Variants in TBC1D10C observed in about 807,000 individuals in gnomAD.
The protein encoded by TBC1D10C is TBC1 domain family member 10C.
Under a neutral mutation model 51.0 loss-of-function variants are expected in TBC1D10C, and 49 were observed. That is an observed-to-expected ratio of 0.96 (90% confidence interval 0.76 to 1.22). TBC1D10C has a LOEUF of 1.22. Ranked by LOEUF, TBC1D10C falls within the 50% of genes most tolerant of loss-of-function variation. The probability of loss-of-function intolerance (pLI) is 0.00; values close to 1 mark genes in which losing one functional copy is unlikely to be tolerated. For synonymous variants in TBC1D10C, 281 were observed against 266.7 expected, an observed-to-expected ratio of 1.05 and a Z score of -0.52; for missense variants, 541 against 617.5, an observed-to-expected ratio of 0.88 and a Z score of 1.31.
Position 67,409,410 on chromosome 11 carries a change from C to T in TBC1D10C, c.997C>T (p.His333Tyr), listed in dbSNP as rs1225955849. ...LQEEAFMSQV[H>Y]SVVLSERDLQ... ...CAGCACCAACTGCTCCCCACAGGTG[C>T]ACAGCGTGGTGCTGTCAGAGCGGGA... The change falls in exon 9 of 9, where the codon CAC becomes TAC. Residue 333 changes from histidine (H) to tyrosine (Y), a missense_variant. Transcript: ENST00000542590. The T allele has an allele frequency of 6.5e-7, 1 of 1,548,308 alleles. No individual in the cohort carries two copies. Among genetic ancestry groups the T allele is most frequent in the Non-Finnish European group, 8.7e-7 (1 of 1,146,242 alleles).
Position 67,409,397 on chromosome 11 carries a change from C to T in TBC1D10C, c.994-10C>T, listed in dbSNP as rs1863346092. The T allele has an allele frequency of 6.5e-7, 1 of 1,545,830 alleles. No individual in the cohort carries two copies. Among genetic ancestry groups the T allele is most frequent in the African/African-American group, 1.4e-5 (1 of 73,026 alleles). ...GGCCGGGCAAACGCAGCACCAACTG[C>T]TCCCCACAGGTGCACAGCGTGGTGC... On this transcript the variant is annotated splice_polypyrimidine_tract_variant and intron_variant, in intron 8 of 8. Transcript: ENST00000542590.
In TBC1D10C at chr11:67,405,393, C is replaced by T. The variant is rs377406493; in HGVS notation, c.253-6C>T. ...TGCCTAGTGGAGCCCTTGGCCTCACCCACAGGTAAAGATGCAGTGCCGGAA... is the reference window on the plus strand; with the variant it reads ...TGCCTAGTGGAGCCCTTGGCCTCACTCACAGGTAAAGATGCAGTGCCGGAA... On this transcript the variant is annotated splice_region_variant and splice_polypyrimidine_tract_variant and intron_variant, in intron 2 of 8. Coordinates refer to ENST00000542590, the MANE Select transcript of TBC1D10C (RefSeq NM_001369496.1). 81 of 1,612,868 alleles carry T rather than the reference C, an allele frequency of 5.0e-5. No individual in the cohort carries two copies. The highest frequency in any genetic ancestry group is 6.5e-5 in the Non-Finnish European group (77 of 1,179,784).
In TBC1D10C at chr11:67,406,024, G is replaced by GGTGCAGGTGCC; in HGVS notation, c.582+7_582+8insGTGCAGGTGCC. Reference sequence around the variant, plus strand: ...CATGCACCTGCCCCCAGAGGTGAGTGACCTTGACCCTGCTCTGGGAACCCT... The same window carrying GGTGCAGGTGCC: ...CATGCACCTGCCCCCAGAGGTGAGTGGTGCAGGTGCCACCTTGACCCTGCTCTGGGAACCCT... On this transcript the variant is annotated splice_region_variant and intron_variant, in intron 5 of 8. Transcript: ENST00000542590. The GGTGCAGGTGCC allele has an allele frequency of 6.4e-7, 1 of 1,563,250 alleles. No homozygotes were observed. Among genetic ancestry groups the GGTGCAGGTGCC allele is most frequent in the Non-Finnish European group, 8.6e-7 (1 of 1,158,584 alleles).
Position 67,409,481 on chromosome 11 carries a change from C to CGCG in TBC1D10C, c.1069_1071dup (p.Ala357dup). The CGCG allele has an allele frequency of 6.5e-7, 1 of 1,548,698 alleles. No homozygotes were observed. The highest frequency in any genetic ancestry group is 8.7e-7 in the Non-Finnish European group (1 of 1,146,408). Reference sequence around the variant, plus strand: ...CCCAGCTGGCCCAGCTGCCCGATTCCGCGCCGGGACCCCCGCCCCGGCCAC... The same window carrying CGCG: ...CCCAGCTGGCCCAGCTGCCCGATTCCGCGGCGCCGGGACCCCCGCCCCGGCCAC... On this transcript the variant is annotated inframe_insertion, in exon 9 of 9. Coordinates refer to ENST00000542590, the MANE Select transcript of TBC1D10C (RefSeq NM_001369496.1).
chr11:67,405,625 T>C lies in TBC1D10C; in HGVS notation c.391T>C (p.Trp131Arg). Reference sequence around the variant, plus strand: ...GGCAGAGGCCCCTGGAGACCCACAGTGGATGGAGACCATTGGCAGGGACCT... The same window carrying C: ...GGCAGAGGCCCCTGGAGACCCACAGCGGATGGAGACCATTGGCAGGGACCT... Reference protein sequence around the residue: ...ELAEAPGDPQWMETIGRDLHR... With the variant: ...ELAEAPGDPQRMETIGRDLHR... The change falls in exon 4 of 9, where the codon TGG (tryptophan) becomes CGG (arginine). Residue 131 changes from tryptophan to arginine, a missense_variant. By Grantham distance (101) the Trp-to-Arg change is moderately radical. Transcript: ENST00000542590. 1 of 1,613,904 alleles carries C rather than the reference T, an allele frequency of 6.2e-7. No homozygotes were observed. The highest frequency in any genetic ancestry group is 8.5e-7 in the Non-Finnish European group (1 of 1,179,994).
chr11:67,405,268 T>C, intron 2 of TBC1D10C, 84 bp downstream of exon 2: 1 of 1,503,438 alleles, frequency 6.7e-7, no homozygotes, highest in Non-Finnish European at 9.0e-7. Flanking sequence ...GTACCCACCC[T>C]GTGTCCCAGC....
At chr11:67,407,065 G>A (rs1863204803) in intron 7 of TBC1D10C, 49 bp downstream of exon 7, 1 of 1,556,796 alleles carries the variant, frequency 6.4e-7, no homozygotes, top group African/African-American at 1.4e-5. Context: ...GGTGTGGGTG[G>A]GGAGGTAGCT....
intron 8 of TBC1D10C, 93 bp downstream of exon 8, chr11:67,409,226 C>A: frequency 6.9e-7 from 1 of 1,448,958 alleles, no homozygotes; most frequent in Admixed American, 2.6e-5. Context: ...AGAATGGGGA[C>A]TTAGTTCCTG....
In TBC1D10C at chr11:67,409,974, C is replaced by T. The variant is rs528902515; in HGVS notation, c.*220C>T. 2.6e-5 allele frequency: 14 copies of T among 532,384 alleles called. No homozygotes were observed. The highest frequency in any genetic ancestry group is 2.0e-4 in the African/African-American group (10 of 50,050). 33.0% of individuals were successfully genotyped at this position (532,384 alleles called of 1,614,324 possible). A position where few individuals can be genotyped will look rare whatever the true frequency, so the allele number is the denominator to read the frequency against. On this transcript the variant is annotated 3_prime_UTR_variant, in exon 9 of 9. Transcript: ENST00000542590. ...TGGGGCACGTGAGGACCCATGGAAC[C>T]GTCCTGGTGCCCAGGCCCTCACAAG...
intron 7 of TBC1D10C, chr11:67,408,236 G>T (rs991397533): frequency 6.6e-6 from 1 of 152,292 alleles, no homozygotes; most frequent in Non-Finnish European, 1.5e-5. Context: ...CTGGCTTAGG[G>T]AAGAGCAGTT....
rs1283164868 is a variant in TBC1D10C at position 67,409,400 on chromosome 11, C to T, written c.994-7C>T. The stretch of plus-strand genomic sequence containing the variant: ...CGGGCAAACGCAGCACCAACTGCTC[C>T]CCACAGGTGCACAGCGTGGTGCTGT... On this transcript the variant is annotated splice_region_variant and splice_polypyrimidine_tract_variant and intron_variant, in intron 8 of 8. Transcript: ENST00000542590. 5 of 1,547,212 alleles carry T rather than the reference C, an allele frequency of 3.2e-6. No homozygotes were observed. The highest frequency in any genetic ancestry group is 4.4e-6 in the Non-Finnish European group (5 of 1,145,682).
Position 67,405,298 on chromosome 11 carries a change from T to C in TBC1D10C, c.253-101T>C, listed in dbSNP as rs548765021. 16 of 1,502,840 alleles carry C rather than the reference T, an allele frequency of 1.1e-5. No homozygotes were observed. In the South Asian group the frequency reaches 1.2e-4, roughly 12 times the overall value. 93.1% of individuals were successfully genotyped at this position (1,502,840 alleles called of 1,614,324 possible). ...CCCAGCACCTCCGGCCTTTGCTCCC[T>C]GCCACCCAAAGTGGGCCCCTGCCTG... On this transcript the variant is annotated intron_variant, in intron 2 of 8. Coordinates refer to ENST00000542590, the MANE Select transcript of TBC1D10C (RefSeq NM_001369496.1).
rs897323892 is a variant in TBC1D10C, at chr11:67,404,156, G to A, written c.-47G>A. The A allele has an allele frequency of 1.4e-6, 2 of 1,443,656 alleles. No homozygotes were observed. The highest frequency in any genetic ancestry group is 2.9e-5 in the African/African-American group (2 of 68,450). The allele number at this position is 1,443,656 out of a possible 1,614,324, so 89.4% of individuals were successfully genotyped here. A position where few individuals can be genotyped will look rare whatever the true frequency, so the allele number is the denominator to read the frequency against. On this transcript the variant is annotated 5_prime_UTR_variant, in exon 1 of 9. Coordinates refer to ENST00000542590, the MANE Select transcript of TBC1D10C (RefSeq NM_001369496.1). ...CTGGCCGGGAGTGGCCCCTCACACT[G>A]GTTCTCCCCACTTTCTCTGCCTGTG...
At chr11:67,406,735 C>T (rs1217723550) in intron 6 of TBC1D10C, 43 bp downstream of exon 6, 2 of 1,583,912 alleles carry the variant, frequency 1.3e-6, no homozygotes, top group Non-Finnish European at 1.7e-6. Context: ...GGGGCAGGGG[C>T]CCGGTGAGTG....
chr11:67,409,629 C>T lies in TBC1D10C; in HGVS notation c.1216C>T (p.Arg406Trp), dbSNP rs201488188. ...VQPPEEPRPP[R>W]RKPQTRGKTF... The stretch of plus-strand genomic sequence containing the variant: ...GCCCCCGGAGGAGCCCAGACCACCG[C>T]GGCGGAAACCCCAGACCCGCGGCAA... The change falls in exon 9 of 9, where the codon CGG becomes TGG. Residue 406 changes from arginine to tryptophan, a missense_variant. Coordinates refer to ENST00000542590, the MANE Select transcript of TBC1D10C (RefSeq NM_001369496.1). The T allele has an allele frequency of 3.3e-4, 528 of 1,578,186 alleles. 1 individual carries two copies. In the Middle Eastern group the frequency reaches 0.01, roughly 30 times the overall value.
Position 67,406,738 on chromosome 11 carries a change from G to C in TBC1D10C, c.648+46G>C, listed in dbSNP as rs756624764. The C allele has an allele frequency of 1.6e-5, 25 of 1,588,280 alleles. 2 individuals are homozygous for C. In the South Asian group the frequency reaches 2.8e-4, roughly 18 times the overall value. On this transcript the variant is annotated intron_variant, in intron 6 of 8. Transcript: ENST00000542590. ...CTGGAGGAAGGAGGGGCAGGGGCCC[G>C]GTGAGTGGGTGGGGGTCTGGGGACT... is the stretch of plus-strand genomic sequence containing the variant.
In TBC1D10C at chr11:67,409,496, G is replaced by A. The variant is rs985801581; in HGVS notation, c.1083G>A (p.Pro361=). The A allele has an allele frequency of 1.9e-5, 29 of 1,548,256 alleles. No homozygotes were observed. The Admixed American group carries it at 2.4e-4, about 13-fold the overall frequency. The part of the protein sequence containing the change: ...AQLPDSAPGP[P]PRPQVRLAGA... ...TGCCCGATTCCGCGCCGGGACCCCC[G>A]CCCCGGCCACAGGTCCGCCTCGCCG... Residue 361 remains proline (P), a synonymous_variant, in exon 9 of 9, where the codon CCG becomes CCA. Transcript: ENST00000542590.
Position 67,409,003 on chromosome 11 carries a change from G to A in TBC1D10C, c.863G>A (p.Gly288Glu). 1 of 1,566,282 alleles carries A rather than the reference G, an allele frequency of 6.4e-7. No individual in the cohort carries two copies. Among genetic ancestry groups the A allele is most frequent in the East Asian group, 2.4e-5 (1 of 42,084 alleles). Reference sequence around the variant, plus strand: ...GGTGCCAGAGTACTGTTCCGTGTGGGGCTGACACTGGTGCGCCTGGCGCTG... The same window carrying A: ...GGTGCCAGAGTACTGTTCCGTGTGGAGCTGACACTGGTGCGCCTGGCGCTG... Reference protein sequence around the residue: ...SEGARVLFRVGLTLVRLALGT... With the variant: ...SEGARVLFRVELTLVRLALGT... The change falls in exon 8 of 9, where the codon GGG becomes GAG. Residue 288 changes from glycine (G) to glutamate (E), a missense_variant. Transcript: ENST00000542590.
rs141022722 is a variant in TBC1D10C, at chr11:67,405,414, C to T, written c.268C>T (p.Arg90Trp). 22 of 1,613,502 alleles carry T rather than the reference C, an allele frequency of 1.4e-5. No individual in the cohort carries two copies. Among genetic ancestry groups the T allele is most frequent in the East Asian group, 4.5e-5 (2 of 44,882 alleles). Residue 90 changes from arginine (R) to tryptophan (W), a missense_variant, in exon 3 of 9, where the codon CGG (arginine) becomes TGG (tryptophan). Transcript: ENST00000542590. The stretch of plus-strand genomic sequence containing the variant: ...TCACCCACAGGTAAAGATGCAGTGC[C>T]GGAAAGGCATCCCGTCTGCCCTGCG... ...RRYKKVKMQC[R>W]KGIPSALRAR...
Sources: allele counts gnomAD v4.1 joint callset, GRCh38; gene constraint gnomAD v4.1.1; transcripts MANE v1.5; gene names NCBI Gene and HGNC (gene_info 2026-07-23, HGNC 2026-07-21).